ICAM5: variants seen among roughly 807,000 people sequenced by gnomAD.
ICAM5 encodes ICAM-5.
A neutral mutation model predicts 78.8 loss-of-function variants in ICAM5; 38 were observed. The ratio of observed to expected loss-of-function variants is 0.48; its 90% CI spans 0.37 to 0.63. ICAM5 has a LOEUF of 0.63. Among genes scored for constraint, ICAM5 ranks in the 30% least tolerant of loss-of-function variants. The probability of loss-of-function intolerance (pLI) is 0.00; values close to 1 mark genes in which losing one functional copy is unlikely to be tolerated. For synonymous variants in ICAM5, 544 were observed against 590.9 expected (o/e 0.92, Z 1.15); for missense variants, 1,059 against 1,303.0 (o/e 0.81, Z 2.88).
Position 10,290,153 on chromosome 19 carries a change from G to T in ICAM5, c.82+28G>T. The T allele has an allele frequency of 6.8e-7, 1 of 1,469,284 alleles. No homozygotes were observed. Among genetic ancestry groups the T allele is most frequent in the Non-Finnish European group, 9.1e-7 (1 of 1,100,436 alleles). 91.0% of individuals were successfully genotyped at this position (1,469,284 alleles called of 1,614,324 possible). A position where few individuals can be genotyped will look rare whatever the true frequency, so the allele number is the denominator to read the frequency against. On this transcript the variant is annotated intron_variant, in intron 1 of 10. Coordinates refer to ENST00000221980, the MANE Select transcript of ICAM5 (RefSeq NM_003259.4). The surrounding 1 kb of genome is among the most constrained non-coding windows in gnomAD (Gnocchi z 5.7). ...AAGAGCCCCGCTCTGGTTCGGGGTG[G>T]ACAGGGCGGGGGCGGAGTCCCTGGA...
chr19:10,293,697 G>A lies in ICAM5; in HGVS notation c.1466-1G>A. ...AGCCAACAATACACTCCCTCCTCCAGACGCACCAGCGCTGGACAGCGTGGG... is the reference window on the plus strand; with the variant it reads ...AGCCAACAATACACTCCCTCCTCCAAACGCACCAGCGCTGGACAGCGTGGG... On this transcript the variant is annotated splice_acceptor_variant, in intron 6 of 10. Coordinates refer to ENST00000221980, the MANE Select transcript of ICAM5 (RefSeq NM_003259.4). LOFTEE classifies it high-confidence loss of function. The surrounding 1 kb of genome is among the most constrained non-coding windows in gnomAD (Gnocchi z 5.0). The A allele has an allele frequency of 6.2e-7, 1 of 1,612,494 alleles. No homozygotes were observed. The highest frequency in any genetic ancestry group is 1.1e-5 in the South Asian group (1 of 91,028).
chr19:10,294,407 C>G lies in ICAM5; in HGVS notation c.1997C>G (p.Pro666Arg). The change falls in exon 9 of 11, where the codon CCG (proline) becomes CGG (arginine). Residue 666 changes from proline to arginine, a missense_variant. Physicochemically the swap from Pro to Arg is moderately radical, Grantham distance 103. Around this residue, in one of 3 missense-constraint regions of ICAM5, gnomAD observed 815 missense variants for 952.8 expected, o/e 0.86. Coordinates refer to ENST00000221980, the MANE Select transcript of ICAM5 (RefSeq NM_003259.4). The surrounding 1 kb of genome is among the most constrained non-coding windows in gnomAD (Gnocchi z 7.7). ...KTVVVSAESP[P>R]EMDESTCPSH... ...CCCCATGGCTGCTTTGCAGCGCCAC[C>G]GGAGATGGATGAATCTACCTGCCCA... The G allele has an allele frequency of 6.2e-7, 1 of 1,612,884 alleles. No homozygotes were observed.
intron 10 of ICAM5, among the ~76,000 whole-genome samples, chr19:10,296,104 G>A (rs978940587): frequency 6.6e-6 from 1 of 152,116 alleles, no homozygotes. Flanking sequence ...TCGCCAGGGG[G>A]CTAAGTGTGG....
At position 10,290,323 on chromosome 19, in the gene ICAM5, C is replaced by CTTTTTTAATG; in HGVS notation, c.82+198_82+199insTTTTTTAATG. On this transcript the variant is annotated intron_variant, in intron 1 of 10. Coordinates refer to ENST00000221980, the MANE Select transcript of ICAM5 (RefSeq NM_003259.4). This position sits in a 1 kb window ranked among gnomAD's most constrained non-coding sequence, Gnocchi z 5.7. ...CCAGCTTCCTGACTCCTCGATAGCC[C>CTTTTTTAATG]CTACCCGCTTCGAGATCCTAGGTGT... The CTTTTTTAATG allele has an allele frequency of 1.9e-6, 1 of 513,202 alleles. No homozygotes were observed. The highest frequency in any genetic ancestry group is 3.6e-5 in the Admixed American group (1 of 27,784). The allele number at this position is 513,202 out of a possible 1,614,324, so 31.8% of individuals were successfully genotyped here. A position where few individuals can be genotyped will look rare whatever the true frequency, so the allele number is the denominator to read the frequency against.
rs780458607 is a variant in ICAM5, at chr19:10,293,969, G to C, written c.1711+26G>C. ...GTGAGTAGGGGCACCGCGGAGTTAG[G>C]CAGGATCTGTGGGACAACCCCGGCT... is the stretch of plus-strand genomic sequence containing the variant. On this transcript the variant is annotated intron_variant, in intron 7 of 10. Transcript: ENST00000221980. This position sits in a 1 kb window ranked among gnomAD's most constrained non-coding sequence, Gnocchi z 5.0. 6.2e-7 allele frequency: 1 copy of C among 1,606,908 alleles called. No homozygotes were observed. Among genetic ancestry groups the C allele is most frequent in the Non-Finnish European group, 8.5e-7 (1 of 1,174,906 alleles).
chr19:10,294,385 C>G lies in ICAM5; in HGVS notation c.1991-16C>G, dbSNP rs1222042247. Reference sequence around the variant, plus strand: ...GGTCCAGGCACTCCCTGACATCCCCCATGGCTGCTTTGCAGCGCCACCGGA... The same window carrying G: ...GGTCCAGGCACTCCCTGACATCCCCGATGGCTGCTTTGCAGCGCCACCGGA... On this transcript the variant is annotated splice_polypyrimidine_tract_variant and intron_variant, in intron 8 of 10. Transcript: ENST00000221980. This position sits in a 1 kb window ranked among gnomAD's most constrained non-coding sequence, Gnocchi z 7.7. 6.2e-7 allele frequency: 1 copy of G among 1,612,906 alleles called. No individual in the cohort carries two copies. The highest frequency in any genetic ancestry group is 1.7e-5 in the Admixed American group (1 of 59,836).
At chr19:10,291,970 A>G in intron 3 of ICAM5, 65 bp from the exon 4 acceptor site, 3 of 1,539,126 alleles carry the variant, frequency 1.9e-6, no homozygotes, top group Non-Finnish European at 1.8e-6. Context: ...AAGATAGTGC[A>G]TGTCAAGTGC....
Position 10,293,667 on chromosome 19 carries a change from C to T in ICAM5, c.1466-31C>T. The T allele has an allele frequency of 6.2e-7, 1 of 1,603,404 alleles. No individual in the cohort carries two copies. Among genetic ancestry groups the T allele is most frequent in the South Asian group, 1.1e-5 (1 of 90,526 alleles). On this transcript the variant is annotated intron_variant, in intron 6 of 10. Transcript: ENST00000221980. This position sits in a 1 kb window ranked among gnomAD's most constrained non-coding sequence, Gnocchi z 5.0. ...AGGGACGTCAGATTTGCCCCCAAACCCCAAAGCCAACAATACACTCCCTCC... is the reference window on the plus strand; with the variant it reads ...AGGGACGTCAGATTTGCCCCCAAACTCCAAAGCCAACAATACACTCCCTCC...
At position 10,293,940 on chromosome 19, in the gene ICAM5, G is replaced by T. The variant is rs752150067; in HGVS notation, c.1708G>T (p.Glu570Ter). 2.5e-6 allele frequency: 4 copies of T among 1,612,250 alleles called. No homozygotes were observed. Among genetic ancestry groups the T allele is most frequent in the Non-Finnish European group, 3.4e-6 (4 of 1,179,660 alleles). ...SAAKNVAVTVEYGPRFEEPSC... is the reference protein window; with the variant it reads ...SAAKNVAVTV Reference sequence around the variant, plus strand: ...GGCCAAAAATGTGGCCGTCACGGTGGAATGTGAGTAGGGGCACCGCGGAGT... The same window carrying T: ...GGCCAAAAATGTGGCCGTCACGGTGTAATGTGAGTAGGGGCACCGCGGAGT... The change falls in exon 7 of 11, where the codon GAA becomes TAA. Residue 570 changes from glutamate (E) to a stop codon, truncating the protein, a stop_gained. Coordinates refer to ENST00000221980, the MANE Select transcript of ICAM5 (RefSeq NM_003259.4). LOFTEE classifies it high-confidence loss of function. This position sits in a 1 kb window ranked among gnomAD's most constrained non-coding sequence, Gnocchi z 5.0.
In ICAM5 at chr19:10,293,692, C is replaced by A. The variant is rs774890992; in HGVS notation, c.1466-6C>A. On this transcript the variant is annotated splice_polypyrimidine_tract_variant and splice_region_variant and intron_variant, in intron 6 of 10. Coordinates refer to ENST00000221980, the MANE Select transcript of ICAM5 (RefSeq NM_003259.4). This position sits in a 1 kb window ranked among gnomAD's most constrained non-coding sequence, Gnocchi z 5.0. ...CCCAAAGCCAACAATACACTCCCTC[C>A]TCCAGACGCACCAGCGCTGGACAGC... is the stretch of plus-strand genomic sequence containing the variant. 1.2e-5 allele frequency: 20 copies of A among 1,612,014 alleles called. No individual in the cohort carries two copies. Among genetic ancestry groups the A allele is most frequent in the African/African-American group, 2.7e-5 (2 of 75,018 alleles).
At position 10,290,525 on chromosome 19, in the gene ICAM5, C is replaced by G. The variant is rs913293582; in HGVS notation, c.82+400C>G. On this transcript the variant is annotated intron_variant, in intron 1 of 10. Coordinates refer to ENST00000221980, the MANE Select transcript of ICAM5 (RefSeq NM_003259.4). The surrounding 1 kb of genome is among the most constrained non-coding windows in gnomAD (Gnocchi z 5.7). Reference sequence around the variant, plus strand: ...ACTCAGAGGCGCTGTTCCCGCTCCACCCAGAGCCCTGGCAACCGGGTCCCT... The same window carrying G: ...ACTCAGAGGCGCTGTTCCCGCTCCAGCCAGAGCCCTGGCAACCGGGTCCCT... 4.1e-5 allele frequency: 9 copies of G among 221,426 alleles called. No homozygotes were observed. The highest frequency in any genetic ancestry group is 8.0e-5 in the Non-Finnish European group (9 of 112,308). The allele number at this position is 221,426 out of a possible 1,614,324, so 13.7% of individuals were successfully genotyped here.
rs765921500 is a variant in ICAM5, at chr19:10,291,344, G to A, written c.352+3G>A. The A allele has an allele frequency of 1.9e-6, 3 of 1,607,070 alleles. No homozygotes were observed. In the South Asian group the frequency reaches 3.3e-5, roughly 18 times the overall value. On this transcript the variant is annotated splice_donor_region_variant and intron_variant, in intron 2 of 10. Transcript: ENST00000221980. The stretch of plus-strand genomic sequence containing the variant: ...GCGTGGGCTCATTCGCACTTTCCGT[G>A]AGTTCTGGGTGGCCACGCGCGTACT...
chr19:10,295,020 G>T (rs548326795), intron 9 of ICAM5, among the ~76,000 whole-genome samples: 3 of 152,312 alleles, frequency 2.0e-5, no homozygotes, highest in African/African-American at 7.2e-5. Context: ...TCCCGCCACT[G>T]CACTCCAGCC....
In ICAM5 at chr19:10,294,407, C is replaced by CG. The variant is rs1568301205; in HGVS notation, c.1999dup (p.Glu667GlyfsTer4). 1 of 1,612,764 alleles carries CG rather than the reference C, an allele frequency of 6.2e-7. No individual in the cohort carries two copies. The highest frequency in any genetic ancestry group is 8.5e-7 in the Non-Finnish European group (1 of 1,179,740). On this transcript the variant is annotated frameshift_variant, in exon 9 of 11. Coordinates refer to ENST00000221980, the MANE Select transcript of ICAM5 (RefSeq NM_003259.4). LOFTEE classifies it high-confidence loss of function. This position sits in a 1 kb window ranked among gnomAD's most constrained non-coding sequence, Gnocchi z 7.7. ...CCCCATGGCTGCTTTGCAGCGCCACCGGAGATGGATGAATCTACCTGCCCA... is the reference window on the plus strand; with the variant it reads ...CCCCATGGCTGCTTTGCAGCGCCACCGGGAGATGGATGAATCTACCTGCCCA...
Position 10,290,293 on chromosome 19 carries a change from G to A in ICAM5, c.82+168G>A, listed in dbSNP as rs2040160561. 5.8e-6 allele frequency: 3 copies of A among 520,680 alleles called. No individual in the cohort carries two copies. The highest frequency in any genetic ancestry group is 2.2e-5 in the African/African-American group (1 of 44,878). The allele number at this position is 520,680 out of a possible 1,614,324, so 32.3% of individuals were successfully genotyped here. ...TCCCCCTCCTCCCCAACACACACCC[G>A]AGCCCCAGCTTCCTGACTCCTCGAT... On this transcript the variant is annotated intron_variant, in intron 1 of 10. Transcript: ENST00000221980. The surrounding 1 kb of genome is among the most constrained non-coding windows in gnomAD (Gnocchi z 5.7).
In ICAM5 at chr19:10,292,722, C is replaced by G; in HGVS notation, c.1072C>G (p.Pro358Ala). ...AGCTCTGGTCACACTGGAGGGAGTT[C>G]CAGCCGCGGTCCCGGGGCAGCCCGC... ...AQALVTLEGVPAAVPGQPAQL... is the reference protein window; with the variant it reads ...AQALVTLEGVAAAVPGQPAQL... The change falls in exon 5 of 11, where the codon CCA (proline) becomes GCA (alanine). Residue 358 changes from proline to alanine, a missense_variant. Physicochemically the swap from Pro to Ala is conservative, Grantham distance 27. This residue lies in a region of ICAM5 where 815 missense variants were observed against 952.8 expected (regional missense o/e 0.86). Coordinates refer to ENST00000221980, the MANE Select transcript of ICAM5 (RefSeq NM_003259.4). The G allele has an allele frequency of 6.2e-7, 1 of 1,613,360 alleles. No homozygotes were observed. The highest frequency in any genetic ancestry group is 8.5e-7 in the Non-Finnish European group (1 of 1,179,940).
At position 10,291,204 on chromosome 19, in the gene ICAM5, G is replaced by A. The variant is rs1333725476; in HGVS notation, c.215G>A (p.Arg72His). 2 of 1,612,278 alleles carry A rather than the reference G, an allele frequency of 1.2e-6. No homozygotes were observed. The highest frequency in any genetic ancestry group is 2.2e-5 in the East Asian group (1 of 44,876). ...PERGGLETSLRRNGTQRGLRW... is the reference protein window; with the variant it reads ...PERGGLETSLHRNGTQRGLRW... ...CGCGGTGGCCTGGAGACCTCGCTGC[G>A]CCGAAACGGGACCCAGAGGGGTTTG... Residue 72 changes from arginine (R) to histidine (H), a missense_variant, in exon 2 of 11, where the codon CGC becomes CAC. Around this residue, in one of 3 missense-constraint regions of ICAM5, gnomAD observed 815 missense variants for 952.8 expected, o/e 0.86. Transcript: ENST00000221980.
In ICAM5 at chr19:10,293,301, C is replaced by T. The variant is rs1428869136; in HGVS notation, c.1465+55C>T. 11 of 1,523,428 alleles carry T rather than the reference C, an allele frequency of 7.2e-6. No homozygotes were observed. Among genetic ancestry groups the T allele is most frequent in the South Asian group, 2.6e-5 (2 of 77,578 alleles). The allele number at this position is 1,523,428 out of a possible 1,614,324, so 94.4% of individuals were successfully genotyped here. A position where few individuals can be genotyped will look rare whatever the true frequency, so the allele number is the denominator to read the frequency against. The stretch of plus-strand genomic sequence containing the variant: ...ATCTGGTTCAAGGTCTGGAGGGTGG[C>T]CAGCCTCCAGGGAAGAGTAGGAGTA... On this transcript the variant is annotated intron_variant, in intron 6 of 10. Coordinates refer to ENST00000221980, the MANE Select transcript of ICAM5 (RefSeq NM_003259.4). This position sits in a 1 kb window ranked among gnomAD's most constrained non-coding sequence, Gnocchi z 5.0.
Position 10,290,455 on chromosome 19 carries a change from T to C in ICAM5, c.82+330T>C. 2 of 288,868 alleles carry C rather than the reference T, an allele frequency of 6.9e-6. No homozygotes were observed. The highest frequency in any genetic ancestry group is 9.8e-4 in the Middle Eastern group (1 of 1,020). The allele number at this position is 288,868 out of a possible 1,614,324, so 17.9% of individuals were successfully genotyped here. ...CACCATGGTCCACGGACTGGCATCTTCCCCACTCGCGGTCCGCGAAGACTC... is the reference window on the plus strand; with the variant it reads ...CACCATGGTCCACGGACTGGCATCTCCCCCACTCGCGGTCCGCGAAGACTC... On this transcript the variant is annotated intron_variant, in intron 1 of 10. Coordinates refer to ENST00000221980, the MANE Select transcript of ICAM5 (RefSeq NM_003259.4). This position sits in a 1 kb window ranked among gnomAD's most constrained non-coding sequence, Gnocchi z 5.7.
Sources: allele counts gnomAD v4.1 joint callset (sites outside exome capture counted in the v4.1 genomes callset), GRCh38; gene constraint gnomAD v4.1.1; regional missense constraint gnomAD v4.1.1; non-coding constraint Gnocchi (gnomAD v3.1); transcripts MANE v1.5; gene names NCBI Gene and HGNC (gene_info 2026-07-23, HGNC 2026-07-21).